The following PHLPP2 variants were observed in gnomAD, a reference collection of about 807,000 sequenced individuals.
The protein encoded by PHLPP2 is PH domain and leucine rich repeat protein phosphatase 2.
In PHLPP2, 66 loss-of-function variants were observed where a neutral mutation model predicts 124.9. The observed-to-expected ratio is 0.53, with a 90% CI of 0.43 to 0.65. The LOEUF is 0.65. PHLPP2 is among the 30% of genes least tolerant of loss of function. The pLI, the probability that PHLPP2 is intolerant of heterozygous loss-of-function variation, is 0.00. For missense variants in PHLPP2, 1,685 were observed against 1,600.4 expected, an observed-to-expected ratio of 1.05 and a Z score of -0.90; for synonymous variants, 681 against 624.7, an observed-to-expected ratio of 1.09 and a Z score of -1.34.
intron 17 of PHLPP2, chr16:71,655,036 G>A (rs952019804): frequency 9.7e-6 from 5 of 514,142 alleles, no homozygotes; most frequent in African/African-American, 9.5e-5. Context: ...GGATTCAACA[G>A]AGAAAACAGA....
rs962490959 is a variant in PHLPP2 at position 71,655,361 on chromosome 16, C to G, written c.2464G>C (p.Asp822His). The change falls in exon 17 of 19, where the codon GAC becomes CAC. Residue 822 changes from aspartate (D) to histidine (H), a missense_variant. Physicochemically the swap from Asp to His is moderately conservative, Grantham distance 81 (BLOSUM62 -1). Transcript: ENST00000568954. ...VGAVYGMFDG[D>H]RNEELPRLLQ... ...AGGCGCGGGAGCTCCTCATTTCGGT[C>G]TCCATCAAACATGCCATACACAGCT... 5.6e-6 allele frequency: 9 copies of G among 1,613,920 alleles called. No individual in the cohort carries two copies. The highest frequency in any genetic ancestry group is 7.6e-6 in the Non-Finnish European group (9 of 1,179,914).
chr16:71,665,682 C>G (rs1268290606), intron 12 of PHLPP2, among the ~76,000 whole-genome samples: 16 of 152,104 alleles, frequency 1.1e-4, no homozygotes, highest in Non-Finnish European at 2.2e-4. Context: ...TAAATAAATA[C>G]CACTGACAGT....
rs753346586 is a variant in PHLPP2, at chr16:71,681,847, G to T, written c.794C>A (p.Pro265His). The change falls in exon 6 of 19, where the codon CCT (proline) becomes CAT (histidine). Residue 265 changes from proline (P) to histidine (H), a missense_variant. By Grantham distance (77) the Pro-to-His change is moderately conservative. Coordinates refer to ENST00000568954, the MANE Select transcript of PHLPP2 (RefSeq NM_015020.3). ...DLSCYSLEEV[P>H]EHLFYSQDIT... ...ATCTTGACTATAGAAGAGATGCTCAGGAACCTCCTCGAGGCTGTAACACGA... is the reference window on the plus strand; with the variant it reads ...ATCTTGACTATAGAAGAGATGCTCATGAACCTCCTCGAGGCTGTAACACGA... 6.2e-7 allele frequency: 1 copy of T among 1,613,832 alleles called. No individual in the cohort carries two copies. Among genetic ancestry groups the T allele is most frequent in the Non-Finnish European group, 8.5e-7 (1 of 1,179,796 alleles).
intron 5 of PHLPP2, among the ~76,000 whole-genome samples, chr16:71,683,316 A>G (rs976202585): frequency 1.3e-5 from 2 of 152,258 alleles, no homozygotes; most frequent in Non-Finnish European, 2.9e-5. Flanking sequence ...TTCAAAGGCT[A>G]AAGTGCAGAA....
intron 17 of PHLPP2, among the ~76,000 whole-genome samples, chr16:71,654,347 G>A (rs1226563358): frequency 2.0e-5 from 3 of 151,996 alleles, no homozygotes; most frequent in Admixed American, 6.6e-5. Context: ...ATTACAGTTA[G>A]GTTATACAGA....
rs1284881349 is a variant in PHLPP2, at chr16:71,668,985, A to C, written c.1628+290T>G. On this transcript the variant is annotated intron_variant, in intron 11 of 18. Transcript: ENST00000568954. ...AGCTTATAATAGCTCATCCTATAAA[A>C]ATTAACTATTATTACTATCATGTCA... is the stretch of plus-strand genomic sequence containing the variant. Among the ~76,000 whole-genome samples, 4 of 152,222 alleles carry C rather than the reference A, an allele frequency of 2.6e-5. No homozygotes were observed. The East Asian group carries it at 7.7e-4, about 29-fold the overall frequency.
At chr16:71,657,540 G>A (rs1244866242) in intron 15 of PHLPP2, among the ~76,000 whole-genome samples, 5 of 151,330 alleles carry the variant, frequency 3.3e-5, no homozygotes, top group Admixed American at 1.3e-4. Flanking sequence ...GACTACAGGC[G>A]CCCGCCACCT....
chr16:71,683,976 G>A (rs777687904), intron 5 of PHLPP2, among the ~76,000 whole-genome samples: 10 of 151,890 alleles, frequency 6.6e-5, no homozygotes, highest in Non-Finnish European at 1.2e-4. Context: ...ATTTTTAGTA[G>A]AGACGGGGTT....
intron 5 of PHLPP2, among the ~76,000 whole-genome samples, chr16:71,684,219 G>A (rs1405680697): frequency 3.4e-5 from 5 of 146,710 alleles, no homozygotes; most frequent in East Asian, 2.1e-4. Flanking sequence ...TCTACCTCCC[G>A]GATTCAAGCG....
chr16:71,682,234 T>C (rs1259877234), intron 5 of PHLPP2, among the ~76,000 whole-genome samples: 3 of 150,768 alleles, frequency 2.0e-5, no homozygotes, highest in Admixed American at 6.6e-5. Context: ...TTTTTTTTTT[T>C]TGGGACAGAG....
intron 1 of PHLPP2, among the ~76,000 whole-genome samples, chr16:71,718,559 G>A (rs1247309318): frequency 6.8e-6 from 1 of 146,340 alleles, no homozygotes; most frequent in Non-Finnish European, 1.5e-5. Flanking sequence ...CAGCCTGGGT[G>A]ACAGTGCAAG....
rs557932769 is a variant in PHLPP2, at chr16:71,658,787, C to T, written c.2014G>A (p.Glu672Lys). The change falls in exon 14 of 19, where the codon GAA (glutamate) becomes AAA (lysine). Residue 672 changes from glutamate (E) to lysine (K), a missense_variant. Glu to Lys is a moderately conservative substitution (Grantham distance 56, BLOSUM62 1). Transcript: ENST00000568954. ...AGCTTGTTGCCACTTAGGTTCAGTT[C>T]CTCCAATTGCTCCAATTTATTTAGT... ...SKLNKLEQLE[E>K]LNLSGNKLKT... 2 of 1,614,102 alleles carry T rather than the reference C, an allele frequency of 1.2e-6. No individual in the cohort carries two copies. The highest frequency in any genetic ancestry group is 1.7e-6 in the Non-Finnish European group (2 of 1,180,020).
At chr16:71,672,901 T>A (rs1056213519) in intron 9 of PHLPP2, among the ~76,000 whole-genome samples, 1 of 152,264 alleles carries the variant, frequency 6.6e-6, no homozygotes, top group South Asian at 2.1e-4. Flanking sequence ...TATGTAAACA[T>A]ATGCATGCAG....
intron 18 of PHLPP2, among the ~76,000 whole-genome samples, chr16:71,651,075 C>G (rs1245088686): frequency 2.6e-5 from 4 of 152,180 alleles, no homozygotes; most frequent in African/African-American, 9.7e-5. Context: ...GACGGTGGCT[C>G]ACGCCTGTAA....
chr16:71,708,886 G>A (rs2045304540), intron 2 of PHLPP2, among the ~76,000 whole-genome samples: 1 of 152,170 alleles, frequency 6.6e-6, no homozygotes, highest in Non-Finnish European at 1.5e-5. Flanking sequence ...GAGCCCAGGA[G>A]GTCAAGGTTG....
intron 13 of PHLPP2, among the ~76,000 whole-genome samples, chr16:71,659,419 T>A (rs1030055794): frequency 2.6e-5 from 4 of 152,024 alleles, no homozygotes; most frequent in African/African-American, 9.7e-5. Flanking sequence ...GCCCGGCTAA[T>A]TGTGTATTTT....
rs2044654489 is a variant in PHLPP2 at position 71,646,531 on chromosome 16, TCAC to T, written c.*2356_*2358del. ...GAAACGAATAGCAGACAAGAAGGGTTCACCATAATGAATAATTTTTATAAGACT... is the reference window on the plus strand; with the variant it reads ...GAAACGAATAGCAGACAAGAAGGGTTCATAATGAATAATTTTTATAAGACT... On this transcript the variant is annotated 3_prime_UTR_variant, in exon 19 of 19. Coordinates refer to ENST00000568954, the MANE Select transcript of PHLPP2 (RefSeq NM_015020.3). The T allele has an allele frequency of 1.3e-5, 2 of 152,146 alleles. No individual in the cohort carries two copies. Among genetic ancestry groups the T allele is most frequent in the Non-Finnish European group, 2.9e-5 (2 of 68,028 alleles). The allele number at this position is 152,146 out of a possible 1,614,324, so 9.4% of individuals were successfully genotyped here. A position where few individuals can be genotyped will look rare whatever the true frequency, so the allele number is the denominator to read the frequency against.
intron 9 of PHLPP2, among the ~76,000 whole-genome samples, chr16:71,675,153 C>G (rs1466906940): frequency 1.3e-5 from 2 of 152,194 alleles, no homozygotes; most frequent in Non-Finnish European, 2.9e-5. Flanking sequence ...ACATTACTCT[C>G]TGGGGTGGTT....
intron 9 of PHLPP2, among the ~76,000 whole-genome samples, chr16:71,674,508 A>G (rs75543925): frequency 1.1e-4 from 16 of 152,216 alleles, no homozygotes; most frequent in Non-Finnish European, 1.8e-4. Flanking sequence ...GAAGAAAACA[A>G]TATTTCTGTG....
Sources: allele counts gnomAD v4.1 joint callset (sites outside exome capture counted in the v4.1 genomes callset), GRCh38; gene constraint gnomAD v4.1.1; transcripts MANE v1.5; gene names NCBI Gene and HGNC (gene_info 2026-07-23, HGNC 2026-07-21).